The following SLC24A2 variants were observed in gnomAD, a reference collection of about 807,000 sequenced individuals.
The protein encoded by SLC24A2 is solute carrier family 24 member 2, also known as sodium/potassium/calcium exchanger 2.
A neutral mutation model predicts 62.0 loss-of-function variants in SLC24A2; 36 were observed. The observed-to-expected ratio is 0.58, with a 90% confidence interval of 0.44 to 0.77. SLC24A2 has a LOEUF of 0.77. Ranked by LOEUF, SLC24A2 falls within the 30% of genes least tolerant of loss-of-function variation. SLC24A2 has a pLI of 0.00. For missense variants in SLC24A2, 846 were observed against 817.9 expected, an observed-to-expected ratio of 1.03 and a Z score of -0.42; for synonymous variants, 358 against 294.0, an observed-to-expected ratio of 1.22 and a Z score of -2.23.
the SLC24A2 span, among the ~76,000 whole-genome samples, chr9:20,058,940 T>C: frequency 6.6e-6 from 1 of 152,296 alleles, no homozygotes; most frequent in Admixed American, 6.5e-5. Context: ...CCCCATGCTG[T>C]TGTAGTTGCA....
At chr9:20,059,212 G>A in the SLC24A2 span, among the ~76,000 whole-genome samples, 1 of 152,174 alleles carries the variant, frequency 6.6e-6, no homozygotes, top group Admixed American at 6.5e-5. Context: ...GTATTCACAA[G>A]GGTCCTCATA....
chr9:19,656,630 C>T (rs1010296595), intron 2 of SLC24A2, among the ~76,000 whole-genome samples: 1 of 152,186 alleles, frequency 6.6e-6, no homozygotes, highest in East Asian at 1.9e-4. Context: ...ACCTTCAGAG[C>T]ACCACAGACA....
chr9:19,863,780 T>C, the SLC24A2 span, among the ~76,000 whole-genome samples: 66 of 151,620 alleles, frequency 4.4e-4, no homozygotes, highest in Non-Finnish European at 7.2e-4. Flanking sequence ...AACCTGATGG[T>C]GTATCTTAAA....
the SLC24A2 span, among the ~76,000 whole-genome samples, chr9:20,035,403 G>C: frequency 6.6e-6 from 1 of 152,158 alleles, no homozygotes; most frequent in Non-Finnish European, 1.5e-5. Flanking sequence ...AGTTTGCCAA[G>C]AATATGCCAG....
chr9:20,067,306 A>G, the SLC24A2 span, among the ~76,000 whole-genome samples: 1 of 152,216 alleles, frequency 6.6e-6, no homozygotes, highest in African/African-American at 2.4e-5. Context: ...AACACTAGTG[A>G]CAGGATGGGG....
the SLC24A2 span, among the ~76,000 whole-genome samples, chr9:19,871,607 T>A: frequency 6.6e-6 from 1 of 152,184 alleles, no homozygotes; most frequent in Non-Finnish European, 1.5e-5. Context: ...TGTGTGCATG[T>A]GTGTAGATAC....
chr9:20,008,232 C>T, the SLC24A2 span, among the ~76,000 whole-genome samples: 3 of 151,844 alleles, frequency 2.0e-5, no homozygotes, highest in African/African-American at 4.8e-5. Context: ...TGGGCTATGT[C>T]CTCTCCCCAC....
the SLC24A2 span, among the ~76,000 whole-genome samples, chr9:19,914,913 A>T: frequency 4.6e-5 from 7 of 152,098 alleles, no homozygotes; most frequent in African/African-American, 2.4e-5. Context: ...TTTGATTTGT[A>T]TTTTATTTTA....
intron 1 of SLC24A2, chr9:19,788,629 C>A: frequency 1.0e-6 from 1 of 985,464 alleles, no homozygotes; most frequent in Non-Finnish European, 1.2e-6. Context: ...CCCCTCTGCG[C>A]GTCTCCCCCG....
the SLC24A2 span, among the ~76,000 whole-genome samples, chr9:20,217,473 T>C: frequency 6.6e-6 from 1 of 151,582 alleles, no homozygotes; most frequent in African/African-American, 2.4e-5. Flanking sequence ...TCTGCATGTA[T>C]GCAGCACTTT....
At chr9:19,682,901 A>G (rs1819763493) in intron 2 of SLC24A2, among the ~76,000 whole-genome samples, 1 of 152,142 alleles carries the variant, frequency 6.6e-6, no homozygotes, top group Non-Finnish European at 1.5e-5. Context: ...TACTTCATGT[A>G]TTGATTAGCT....
At chr9:19,857,376 C>A in the SLC24A2 span, among the ~76,000 whole-genome samples, 1 of 152,176 alleles carries the variant, frequency 6.6e-6, no homozygotes, top group African/African-American at 2.4e-5. Flanking sequence ...ATTACATCTA[C>A]AAAGTTATTT....
At chr9:19,542,472 C>T (rs913808548) in intron 8 of SLC24A2, among the ~76,000 whole-genome samples, 35 of 152,170 alleles carry the variant, frequency 2.3e-4, no homozygotes, top group Non-Finnish European at 3.1e-4. Context: ...ACTTCCAATA[C>T]TATATTGAAT....
At chr9:20,297,642 G>T in the SLC24A2 span, among the ~76,000 whole-genome samples, 1 of 152,250 alleles carries the variant, frequency 6.6e-6, no homozygotes, top group Admixed American at 6.5e-5. Flanking sequence ...ATCCTGTGCA[G>T]AGTCCAGCAC....
chr9:20,094,958 T>C, the SLC24A2 span, among the ~76,000 whole-genome samples: 1 of 152,296 alleles, frequency 6.6e-6, no homozygotes, highest in Admixed American at 6.5e-5. Flanking sequence ...AGTTTTAAAA[T>C]ATTAATAATT....
intron 5 of SLC24A2, 106 bp from the exon 6 acceptor site, chr9:19,577,128 C>A (rs1445041301): frequency 2.3e-6 from 2 of 864,332 alleles, no homozygotes; most frequent in South Asian, 1.3e-5. Context: ...AATAGCGTGA[C>A]CACTCCATTC....
At chr9:20,043,813 G>C in the SLC24A2 span, among the ~76,000 whole-genome samples, 3 of 152,160 alleles carry the variant, frequency 2.0e-5, no homozygotes. Flanking sequence ...TGATGAAGAG[G>C]ATTTAGAATA....
the SLC24A2 span, among the ~76,000 whole-genome samples, chr9:20,129,078 T>A: frequency 6.6e-6 from 1 of 152,006 alleles, no homozygotes; most frequent in East Asian, 1.9e-4. Flanking sequence ...AAAGAACTCA[T>A]AACTCAACAG....
At chr9:19,646,712 T>C (rs144377861) in intron 2 of SLC24A2, among the ~76,000 whole-genome samples, 4 of 152,294 alleles carry the variant, frequency 2.6e-5, no homozygotes, top group African/African-American at 9.6e-5. Flanking sequence ...CTTCCCACAA[T>C]ATTACTTCCT....
Sources: allele counts gnomAD v4.1 joint callset (sites outside exome capture counted in the v4.1 genomes callset), GRCh38; gene constraint gnomAD v4.1.1; transcripts MANE v1.5; gene names NCBI Gene and HGNC (gene_info 2026-07-23, HGNC 2026-07-21).